KCNIP4: variants seen among roughly 807,000 people sequenced by gnomAD.
KCNIP4 encodes Kv channel-interacting protein 4.
KCNIP4 carries 12 observed loss-of-function variants against 34.0 expected under a neutral mutation model. That is an observed-to-expected ratio of 0.35 (90% CI 0.23 to 0.57). The LOEUF is 0.57. KCNIP4 is among the 20% of genes least tolerant of loss of function. The probability of loss-of-function intolerance (pLI) is 0.83; values close to 1 mark genes in which losing one functional copy is unlikely to be tolerated. For synonymous variants in KCNIP4, 124 were observed against 102.2 expected, an observed-to-expected ratio of 1.21 and a Z score of -1.29; for missense variants, 238 against 311.7, an observed-to-expected ratio of 0.76 and a Z score of 1.78.
Position 20,987,932 on chromosome 4 carries a change from C to T in KCNIP4, c.62-105223G>A, listed in dbSNP as rs190802318. Among the ~76,000 whole-genome samples the T allele has an allele frequency of 8.4e-3, 1,159 of 138,006 alleles. 17 individuals carry two copies. The highest frequency in any genetic ancestry group is 0.03 in the African/African-American group (1,066 of 35,670). 90.5% of individuals were successfully genotyped at this position (138,006 alleles called of 152,430 possible). ...AGGAGTACCTCGTGAACCCGGGAGA[C>T]GGAGCTTGCAGTGAGCCGAGATCGC... is the stretch of plus-strand genomic sequence containing the variant. On this transcript the variant is annotated intron_variant, in intron 1 of 8. Transcript: ENST00000382152.
At chr4:20,835,177 A>T (rs1280629379) in intron 3 of KCNIP4, among the ~76,000 whole-genome samples, 1 of 152,092 alleles carries the variant, frequency 6.6e-6, no homozygotes, top group Non-Finnish European at 1.5e-5. Context: ...CTTTGGGTTT[A>T]TGTGATACCA....
intron 1 of KCNIP4, among the ~76,000 whole-genome samples, chr4:21,278,068 A>G (rs1201473409): frequency 6.6e-6 from 1 of 152,064 alleles, no homozygotes; most frequent in Non-Finnish European, 1.5e-5. Flanking sequence ...TTTTTTTTTA[A>G]TTGAGAGTGA....
intron 1 of KCNIP4, among the ~76,000 whole-genome samples, chr4:20,943,386 A>G (rs1465596411): frequency 6.6e-6 from 1 of 152,194 alleles, no homozygotes; most frequent in Admixed American, 6.5e-5. Flanking sequence ...TAATAGCTGA[A>G]GCTACCATTT....
chr4:21,428,079 C>T (rs1442486820), intron 1 of KCNIP4, among the ~76,000 whole-genome samples: 2 of 152,082 alleles, frequency 1.3e-5, no homozygotes, highest in African/African-American at 2.4e-5. Context: ...AGTGCTTGAG[C>T]AGTGACAAAT....
chr4:21,169,807 G>A (rs2109293405), intron 1 of KCNIP4, among the ~76,000 whole-genome samples: 1 of 151,928 alleles, frequency 6.6e-6, no homozygotes, highest in Admixed American at 6.6e-5. Flanking sequence ...AACACTCCCA[G>A]CCTTTGGTCC....
chr4:21,842,404 A>G (rs1353316343), intron 1 of KCNIP4, among the ~76,000 whole-genome samples: 1 of 152,084 alleles, frequency 6.6e-6, no homozygotes, highest in Non-Finnish European at 1.5e-5. Flanking sequence ...CACCTAATAG[A>G]GATTCCTAAC....
At chr4:21,701,187 A>T (rs1461020611) in intron 1 of KCNIP4, among the ~76,000 whole-genome samples, 7 of 152,180 alleles carry the variant, frequency 4.6e-5, no homozygotes, top group Admixed American at 4.6e-4. Context: ...TCTCACTTAT[A>T]TGTGGAATCT....
intron 1 of KCNIP4, among the ~76,000 whole-genome samples, chr4:20,918,489 T>C (rs1482387173): frequency 6.6e-6 from 1 of 152,208 alleles, no homozygotes; most frequent in African/African-American, 2.4e-5. Context: ...TATGGGCTTT[T>C]CATTTTATTT....
chr4:21,378,426 TCTG>T (rs1721175459), intron 1 of KCNIP4, among the ~76,000 whole-genome samples: 1 of 152,194 alleles, frequency 6.6e-6, no homozygotes. Context: ...GTGATGGAAA[TCTG>T]CTCTCTATTT....
At chr4:20,834,196 T>C (rs1195171670) in intron 3 of KCNIP4, among the ~76,000 whole-genome samples, 3 of 152,138 alleles carry the variant, frequency 2.0e-5, no homozygotes, top group Non-Finnish European at 2.9e-5. Context: ...TTAGCAGAAA[T>C]TTCCTGAAAC....
chr4:20,831,638 T>C (rs1268004606), intron 3 of KCNIP4, among the ~76,000 whole-genome samples: 1 of 152,218 alleles, frequency 6.6e-6, no homozygotes, highest in Non-Finnish European at 1.5e-5. Context: ...TTGTTTTCAA[T>C]AAATGTAACC....
chr4:21,285,139 A>T (rs1763039733), intron 1 of KCNIP4, among the ~76,000 whole-genome samples: 1 of 152,226 alleles, frequency 6.6e-6, no homozygotes, highest in Admixed American at 6.5e-5. Context: ...AGGATAAGAA[A>T]GTCAAGCCTA....
In KCNIP4 at chr4:21,788,379, ATAT is replaced by A. The variant is rs1720049389; in HGVS notation, c.61+160189_61+160191del. On this transcript the variant is annotated intron_variant, in intron 1 of 8. Coordinates refer to ENST00000382152, the MANE Select transcript of KCNIP4 (RefSeq NM_025221.6). ...AAGTAAATGGTGCACAAGTTTCAGC[ATAT>A]TCATCAAAGATTCATAAACAAATGT... is the stretch of plus-strand genomic sequence containing the variant. 4.6e-5 allele frequency among the ~76,000 whole-genome samples: 7 copies of A among 152,346 alleles called. No homozygotes were observed. In the South Asian group the frequency reaches 1.4e-3, roughly 32 times the overall value.
At chr4:20,770,163 C>CT (rs1057104316) in intron 3 of KCNIP4, among the ~76,000 whole-genome samples, 23 of 152,008 alleles carry the variant, frequency 1.5e-4, no homozygotes, top group African/African-American at 3.1e-4. Flanking sequence ...TAACAACAGT[C>CT]TTTTTTTTAC....
At chr4:21,879,918 T>C (rs996395868) in intron 1 of KCNIP4, among the ~76,000 whole-genome samples, 2 of 152,024 alleles carry the variant, frequency 1.3e-5, no homozygotes, top group African/African-American at 4.8e-5. Flanking sequence ...GGGGCTTTTT[T>C]TCCCCACTTT....
chr4:21,218,959 A>G (rs1757803669), intron 1 of KCNIP4, among the ~76,000 whole-genome samples: 1 of 152,198 alleles, frequency 6.6e-6, no homozygotes, highest in Non-Finnish European at 1.5e-5. Context: ...AAATCTTGAC[A>G]ATATTTTTAG....
intron 1 of KCNIP4, among the ~76,000 whole-genome samples, chr4:21,814,527 C>A (rs532647948): frequency 1.2e-3 from 180 of 152,214 alleles, no homozygotes; most frequent in Non-Finnish European, 2.1e-3. Context: ...TGAGGCCTCC[C>A]CAGCCATGTG....
intron 1 of KCNIP4, among the ~76,000 whole-genome samples, chr4:21,599,956 G>T (rs1294614797): frequency 6.6e-6 from 1 of 152,052 alleles, no homozygotes. Context: ...CTAGATCTGG[G>T]TAGGATTCAG....
At chr4:21,473,697 C>G (rs1349662246) in intron 1 of KCNIP4, among the ~76,000 whole-genome samples, 1 of 150,576 alleles carries the variant, frequency 6.6e-6, no homozygotes, top group East Asian at 1.9e-4. Flanking sequence ...TGGGGAGCAA[C>G]ACAGAAGACT....
Sources: gnomAD v4.1 joint callset for allele counts (sites outside exome capture counted in the v4.1 genomes callset) on GRCh38, gnomAD v4.1.1 for gene constraint, MANE v1.5 for transcripts, NCBI Gene and HGNC (gene_info 2026-07-23, HGNC 2026-07-21) for gene names.